CDH12: variants seen among roughly 807,000 people sequenced by gnomAD.
The protein encoded by CDH12 is cadherin-12.
CDH12 carries 41 observed loss-of-function variants against 74.1 expected under a neutral mutation model. That is an observed-to-expected ratio of 0.55 (90% CI 0.43 to 0.72). The LOEUF (loss-of-function observed/expected upper bound fraction) is 0.72, where lower values mean the gene tolerates loss of function less well. CDH12 is among the 30% of genes least tolerant of loss of function. The pLI is 0.00. For synonymous variants in CDH12, 399 were observed against 355.0 expected, an observed-to-expected ratio of 1.12 and a Z score of -1.39; for missense variants, 945 against 977.2, an observed-to-expected ratio of 0.97 and a Z score of 0.44.
intron 9 of CDH12, among the ~76,000 whole-genome samples, chr5:21,804,552 T>C (rs1561199262): frequency 6.6e-6 from 1 of 151,894 alleles, no homozygotes; most frequent in Non-Finnish European, 1.5e-5. Flanking sequence ...GAGTGGTGAA[T>C]TAATAGTAAT....
At chr5:22,196,745 T>A (rs1393532709) in intron 4 of CDH12, among the ~76,000 whole-genome samples, 1 of 152,180 alleles carries the variant, frequency 6.6e-6, no homozygotes, top group Admixed American at 6.5e-5. Flanking sequence ...CTACTTCTCC[T>A]TGTTGCCTGT....
intron 6 of CDH12, among the ~76,000 whole-genome samples, chr5:21,885,186 CAA>C (rs1259276285): frequency 6.6e-6 from 1 of 151,556 alleles, no homozygotes; most frequent in East Asian, 2.0e-4. Flanking sequence ...CGCGCCCAGG[CAA>C]AAGGCCCTGT....
intron 1 of CDH12, among the ~76,000 whole-genome samples, chr5:22,522,251 A>T (rs572898476): frequency 6.6e-6 from 1 of 152,310 alleles, no homozygotes; most frequent in South Asian, 2.1e-4. Flanking sequence ...ACACAAGAGT[A>T]GAAGTATGGA....
At chr5:22,677,823 A>T (rs1741278972) in intron 1 of CDH12, among the ~76,000 whole-genome samples, 1 of 152,108 alleles carries the variant, frequency 6.6e-6, no homozygotes, top group South Asian at 2.1e-4. Context: ...AGACAATTCA[A>T]ATTCCTTCAC....
chr5:22,164,247 T>A (rs540854565), intron 4 of CDH12, among the ~76,000 whole-genome samples: 1 of 152,284 alleles, frequency 6.6e-6, no homozygotes, highest in African/African-American at 2.4e-5. Flanking sequence ...GAATGGAATC[T>A]TGGGCCATGC....
intron 4 of CDH12, among the ~76,000 whole-genome samples, chr5:22,174,845 A>G (rs1258420827): frequency 6.6e-6 from 1 of 152,010 alleles, no homozygotes; most frequent in Non-Finnish European, 1.5e-5. Context: ...CAATTTGCAA[A>G]GCTATAAATT....
chr5:22,065,444 C>T (rs1741487449), intron 5 of CDH12, among the ~76,000 whole-genome samples: 1 of 152,138 alleles, frequency 6.6e-6, no homozygotes, highest in South Asian at 2.1e-4. Context: ...TGAGAAATAA[C>T]TTGTGTTTTG....
At chr5:22,844,808 C>G (rs1737228010) in intron 1 of CDH12, among the ~76,000 whole-genome samples, 1 of 151,976 alleles carries the variant, frequency 6.6e-6, no homozygotes, top group Non-Finnish European at 1.5e-5. Context: ...AGCAGCAATT[C>G]AGGAAGAATT....
chr5:22,782,792 A>T (rs1161155842), intron 1 of CDH12, among the ~76,000 whole-genome samples: 1 of 152,168 alleles, frequency 6.6e-6, no homozygotes, highest in Non-Finnish European at 1.5e-5. Flanking sequence ...AACCATGCAC[A>T]GGATTTGGTG....
At chr5:22,776,133 A>G (rs1381048906) in intron 1 of CDH12, among the ~76,000 whole-genome samples, 1 of 152,100 alleles carries the variant, frequency 6.6e-6, no homozygotes, top group Non-Finnish European at 1.5e-5. Flanking sequence ...ATACACTTAC[A>G]CTGCATGTTC....
chr5:22,671,493 T>C (rs2126914227), intron 1 of CDH12, among the ~76,000 whole-genome samples: 1 of 152,126 alleles, frequency 6.6e-6, no homozygotes, highest in East Asian at 1.9e-4. Context: ...TAGTGTAAAA[T>C]ATTTAGCAGC....
chr5:22,665,684 C>A (rs1244660450), intron 1 of CDH12, among the ~76,000 whole-genome samples: 1 of 152,142 alleles, frequency 6.6e-6, no homozygotes, highest in Non-Finnish European at 1.5e-5. Flanking sequence ...ATGAAGGCAA[C>A]TTTTTAATTC....
chr5:22,601,802 G>T (rs1465484017), intron 1 of CDH12, among the ~76,000 whole-genome samples: 2 of 152,016 alleles, frequency 1.3e-5, no homozygotes, highest in East Asian at 1.9e-4. Context: ...CAAGGATGGG[G>T]TGCAAATGCA....
intron 6 of CDH12, among the ~76,000 whole-genome samples, chr5:21,889,271 AAG>A (rs528120152): frequency 1.1e-3 from 173 of 152,286 alleles, no homozygotes; most frequent in African/African-American, 3.9e-3. Flanking sequence ...AAAAAAGTGT[AAG>A]AGCTATTTTT....
intron 1 of CDH12, among the ~76,000 whole-genome samples, chr5:22,788,527 T>C (rs1319800257): frequency 6.7e-6 from 1 of 148,862 alleles, no homozygotes; most frequent in African/African-American, 2.4e-5. Flanking sequence ...ATATAAAAAT[T>C]TATCATAATA....
chr5:22,541,396 C>T (rs1208620283), intron 1 of CDH12, among the ~76,000 whole-genome samples: 2 of 152,130 alleles, frequency 1.3e-5, no homozygotes, highest in African/African-American at 4.8e-5. Flanking sequence ...AAATAGACAC[C>T]ATTTTATAAT....
chr5:22,330,526 G>C (rs1739305120), intron 3 of CDH12, among the ~76,000 whole-genome samples: 1 of 152,062 alleles, frequency 6.6e-6, no homozygotes. Context: ...GTCGAGGTGA[G>C]TGGATCACGA....
chr5:21,862,213 C>T (rs1751082250), intron 6 of CDH12, among the ~76,000 whole-genome samples: 1 of 152,034 alleles, frequency 6.6e-6, no homozygotes, highest in East Asian at 1.9e-4. Flanking sequence ...CCAGACCAGG[C>T]AAGCCAGCTT....
chr5:22,763,651 A>C (rs2127059762), intron 1 of CDH12, among the ~76,000 whole-genome samples: 1 of 152,078 alleles, frequency 6.6e-6, no homozygotes, highest in South Asian at 2.1e-4. Context: ...CTATAAAAGT[A>C]AGAGTAGAAA....
Sources: allele counts gnomAD v4.1 joint callset (sites outside exome capture counted in the v4.1 genomes callset), GRCh38; gene constraint gnomAD v4.1.1; transcripts MANE v1.5; gene names NCBI Gene and HGNC (gene_info 2026-07-23, HGNC 2026-07-21).